The following GRK3 variants were observed in gnomAD, a reference collection of about 807,000 sequenced individuals.
GRK3 encodes G protein-coupled receptor kinase 3.
GRK3 carries 54 observed loss-of-function variants against 95.7 expected under a neutral mutation model. The ratio of observed to expected loss-of-function variants is 0.56; its 90% confidence interval spans 0.45 to 0.71. The LOEUF is 0.71. Among genes scored for constraint, GRK3 ranks in the 30% least tolerant of loss-of-function variants. GRK3 has a pLI of 0.00. For synonymous variants in GRK3, 281 were observed against 290.8 expected, an observed-to-expected ratio of 0.97 and a Z score of 0.34; for missense variants, 649 against 851.2, an observed-to-expected ratio of 0.76 and a Z score of 2.96.
chr22:25,623,802 C>A (rs1208620359), intron 2 of GRK3, among the ~76,000 whole-genome samples: 1 of 152,198 alleles, frequency 6.6e-6, no homozygotes, highest in Non-Finnish European at 1.5e-5. Context: ...CCTCCATTTC[C>A]ACCACAGCCA....
intron 18 of GRK3, among the ~76,000 whole-genome samples, chr22:25,716,157 T>C (rs973873492): frequency 6.6e-6 from 1 of 152,018 alleles, no homozygotes. Context: ...TGGCTATTTT[T>C]TTTTGTATTT....
intron 14 of GRK3, among the ~76,000 whole-genome samples, chr22:25,703,904 C>CAG (rs1210445944): frequency 1.3e-5 from 2 of 152,214 alleles, no homozygotes; most frequent in African/African-American, 4.8e-5. Context: ...AGAATGCCTT[C>CAG]CGGTTCTTCT....
chr22:25,693,329 G>C (rs2085180201), intron 12 of GRK3, among the ~76,000 whole-genome samples: 1 of 152,104 alleles, frequency 6.6e-6, no homozygotes, highest in African/African-American at 2.4e-5. Context: ...CCTTGTATGT[G>C]GTAAAAGCAT....
intron 15 of GRK3, among the ~76,000 whole-genome samples, chr22:25,707,466 A>G (rs759401820): frequency 1.3e-5 from 2 of 152,180 alleles, no homozygotes; most frequent in Admixed American, 6.5e-5. Flanking sequence ...GGCAGTGCAC[A>G]TGGTAGGCAT....
rs540177496 is a variant in GRK3, at chr22:25,728,865, G to A, written c.*6415G>A. On this transcript the variant is annotated 3_prime_UTR_variant, in exon 21 of 21. Transcript: ENST00000324198. ...TGAAGTCCTGTCTCTGTGAGAGAAC[G>A]TGCCTCCTCACTCATTTGTCTCTGT... The A allele has an allele frequency of 2.6e-5, 4 of 152,148 alleles. No individual in the cohort carries two copies. The highest frequency in any genetic ancestry group is 9.6e-5 in the African/African-American group (4 of 41,504). The allele number at this position is 152,148 out of a possible 1,614,324, so 9.4% of individuals were successfully genotyped here. A position where few individuals can be genotyped will look rare whatever the true frequency, so the allele number is the denominator to read the frequency against.
Position 25,725,966 on chromosome 22 carries a change from G to T in GRK3, c.*3516G>T. ...TCTGTCTCAAAAAAAAAAAGGAGGG[G>T]GGCTAAATATCCAGTGAGATGCACT... On this transcript the variant is annotated 3_prime_UTR_variant, in exon 21 of 21. Coordinates refer to ENST00000324198, the MANE Select transcript of GRK3 (RefSeq NM_005160.4). The T allele has an allele frequency of 5.5e-6, 1 of 180,548 alleles. No individual in the cohort carries two copies. Among genetic ancestry groups the T allele is most frequent in the Non-Finnish European group, 1.1e-5 (1 of 87,002 alleles). 11.2% of individuals were successfully genotyped at this position (180,548 alleles called of 1,614,324 possible). A position where few individuals can be genotyped will look rare whatever the true frequency, so the allele number is the denominator to read the frequency against.
intron 1 of GRK3, among the ~76,000 whole-genome samples, chr22:25,581,536 A>G (rs1932099720): frequency 6.6e-6 from 1 of 152,218 alleles, no homozygotes; most frequent in Non-Finnish European, 1.5e-5. Flanking sequence ...GATTACAAAG[A>G]TGCGGGTAGA....
At chr22:25,697,622 G>T (rs115024077) in intron 13 of GRK3, among the ~76,000 whole-genome samples, 2 of 152,360 alleles carry the variant, frequency 1.3e-5, no homozygotes, top group East Asian at 3.9e-4. Flanking sequence ...GGCTCCAGCT[G>T]CTGGAAGGCC....
chr22:25,709,607 T>C (rs1010536210), intron 15 of GRK3, among the ~76,000 whole-genome samples: 1 of 152,142 alleles, frequency 6.6e-6, no homozygotes, highest in Non-Finnish European at 1.5e-5. Context: ...TGTGTGTGTG[T>C]GTGTGTGCGT....
intron 1 of GRK3, among the ~76,000 whole-genome samples, chr22:25,575,699 A>G (rs1931866473): frequency 6.6e-6 from 1 of 152,218 alleles, no homozygotes; most frequent in African/African-American, 2.4e-5. Flanking sequence ...AACTCTTTTT[A>G]GTTTTTACAA....
At chr22:25,650,052 C>T (rs916847364) in intron 3 of GRK3, among the ~76,000 whole-genome samples, 17 of 150,638 alleles carry the variant, frequency 1.1e-4, no homozygotes, top group African/African-American at 2.2e-4. Context: ...AGTGCATTGG[C>T]GCCATCCTGG....
intron 3 of GRK3, among the ~76,000 whole-genome samples, chr22:25,658,233 T>A (rs1040309538): frequency 2.0e-5 from 3 of 152,232 alleles, no homozygotes; most frequent in Non-Finnish European, 4.4e-5. Context: ...TTTCTTCATC[T>A]GTAGAATAAT....
At chr22:25,722,216 C>T in intron 20 of GRK3, 73 bp from the exon 21 acceptor site, 1 of 1,550,912 alleles carries the variant, frequency 6.4e-7, no homozygotes, top group Non-Finnish European at 8.8e-7. Context: ...CGCTGGTAAT[C>T]AATAGGGGCA....
At chr22:25,639,497 G>T (rs2084727559) in intron 2 of GRK3, among the ~76,000 whole-genome samples, 1 of 152,044 alleles carries the variant, frequency 6.6e-6, no homozygotes, top group Non-Finnish European at 1.5e-5. Context: ...CTGTTCCAGT[G>T]ATTTAATCTA....
chr22:25,600,633 G>A (rs2084403416), intron 1 of GRK3, among the ~76,000 whole-genome samples: 1 of 152,158 alleles, frequency 6.6e-6, no homozygotes, highest in Non-Finnish European at 1.5e-5. Flanking sequence ...TATTCAGGAG[G>A]ATGTGCATAA....
intron 5 of GRK3, 88 bp from the exon 6 acceptor site, chr22:25,667,651 A>G (rs1601513223): frequency 1.1e-6 from 1 of 887,680 alleles, no homozygotes; most frequent in Non-Finnish European, 1.9e-6. Context: ...ATAATTGGGA[A>G]CTTCGCTTAA....
chr22:25,685,183 TTGTA>T lies in GRK3; in HGVS notation c.768_771del (p.Cys256Ter). On this transcript the variant is annotated frameshift_variant, in exon 10 of 21. Transcript: ENST00000324198. LOFTEE classifies it high-confidence loss of function. The stretch of plus-strand genomic sequence containing the variant: ...GTTTCACTCTAGGACTGTCCTTTCA[TTGTA>T]TGTATGACCTATGCCTTCCATACCC... 6.2e-7 allele frequency: 1 copy of T among 1,612,562 alleles called. No homozygotes were observed. The highest frequency in any genetic ancestry group is 8.5e-7 in the Non-Finnish European group (1 of 1,178,524).
Position 25,728,165 on chromosome 22 carries a change from C to T in GRK3, c.*5715C>T, listed in dbSNP as rs2085489187. On this transcript the variant is annotated 3_prime_UTR_variant, in exon 21 of 21. Transcript: ENST00000324198. The stretch of plus-strand genomic sequence containing the variant: ...TTAATACAATAAAATTGAAATAATG[C>T]ACCTAGTAATGTGGCCGACATCTCT... 1.3e-5 allele frequency: 2 copies of T among 152,152 alleles called. No homozygotes were observed. The highest frequency in any genetic ancestry group is 6.5e-5 in the Admixed American group (1 of 15,276). 9.4% of individuals were successfully genotyped at this position (152,152 alleles called of 1,614,324 possible).
intron 12 of GRK3, among the ~76,000 whole-genome samples, chr22:25,692,752 A>C (rs2085175213): frequency 6.6e-6 from 1 of 152,256 alleles, no homozygotes; most frequent in African/African-American, 2.4e-5. Context: ...ACCAGGTCAC[A>C]TGGCTGGTAT....
Sources: allele counts gnomAD v4.1 joint callset (sites outside exome capture counted in the v4.1 genomes callset), GRCh38; gene constraint gnomAD v4.1.1; transcripts MANE v1.5; gene names NCBI Gene and HGNC (gene_info 2026-07-23, HGNC 2026-07-21).